The following WDPCP variants were observed in gnomAD, a reference collection of about 807,000 sequenced individuals.
WDPCP encodes the protein WD repeat-containing and planar cell polarity effector protein fritz homolog.
A neutral mutation model predicts 93.1 loss-of-function variants in WDPCP; 71 were observed. The ratio of observed to expected loss-of-function variants is 0.76; its 90% CI spans 0.63 to 0.93. The LOEUF (loss-of-function observed/expected upper bound fraction) is 0.93. Among genes scored for constraint, WDPCP ranks in the 40% least tolerant of loss-of-function variants. The pLI, the probability that WDPCP is intolerant of heterozygous loss-of-function variation, is 0.00. For missense variants in WDPCP, 844 were observed against 887.4 expected (o/e 0.95, Z 0.62); for synonymous variants, 315 against 315.0 (o/e 1.00, Z 0.00).
intron 17 of WDPCP, among the ~76,000 whole-genome samples, chr2:63,138,856 C>A (rs1301550376): frequency 6.6e-6 from 1 of 152,008 alleles, no homozygotes; most frequent in African/African-American, 2.4e-5. Context: ...ACCCCCTTCC[C>A]ACTCTTCCCC....
At chr2:63,808,563 C>T (rs924067426) in intron 2 of WDPCP, among the ~76,000 whole-genome samples, 2 of 152,240 alleles carry the variant, frequency 1.3e-5, no homozygotes, top group African/African-American at 4.8e-5. Flanking sequence ...GGGCTGGTCT[C>T]CAGCTCCTAA....
intron 6 of WDPCP, among the ~76,000 whole-genome samples, chr2:63,473,528 T>A (rs1699804251): frequency 6.6e-6 from 1 of 152,206 alleles, no homozygotes; most frequent in Non-Finnish European, 1.5e-5. Flanking sequence ...TGTGCCTTTC[T>A]GGGGTTCTAT....
At chr2:63,790,236 T>C (rs1355109713) in intron 2 of WDPCP, among the ~76,000 whole-genome samples, 2 of 152,200 alleles carry the variant, frequency 1.3e-5, no homozygotes, top group East Asian at 3.8e-4. Flanking sequence ...CTCAAGGTGC[T>C]GGGCGAAATT....
chr2:63,508,659 A>C (rs1259364441), intron 1 of WDPCP, among the ~76,000 whole-genome samples: 1 of 152,158 alleles, frequency 6.6e-6, no homozygotes, highest in African/African-American at 2.4e-5. Flanking sequence ...TAGAGACAGG[A>C]CCCATCAGTG....
At chr2:63,486,733 A>G in intron 3 of WDPCP, 147 bp from the exon 4 acceptor site, 2 of 711,044 alleles carry the variant, frequency 2.8e-6, no homozygotes, top group Non-Finnish European at 4.4e-6. Context: ...CTTAGGTTCT[A>G]AAAGGACAGT....
intron 2 of WDPCP, among the ~76,000 whole-genome samples, chr2:63,808,491 G>A (rs1411113854): frequency 2.0e-5 from 3 of 152,188 alleles, no homozygotes; most frequent in African/African-American, 7.2e-5. Flanking sequence ...GCGGGCACGC[G>A]CTGCCACGCC....
chr2:63,215,371 AT>A (rs1472694874), intron 14 of WDPCP, among the ~76,000 whole-genome samples: 2 of 152,202 alleles, frequency 1.3e-5, no homozygotes, highest in African/African-American at 4.8e-5. Flanking sequence ...ATATAGAACA[AT>A]GGAACAGAAC....
At chr2:63,373,165 C>T (rs1204931913) in intron 12 of WDPCP, among the ~76,000 whole-genome samples, 2 of 151,774 alleles carry the variant, frequency 1.3e-5, no homozygotes, top group Non-Finnish European at 2.9e-5. Context: ...CCCATTACTA[C>T]TATATTAGCC....
At chr2:63,185,004 C>A (rs536291883) in intron 14 of WDPCP, among the ~76,000 whole-genome samples, 1 of 152,180 alleles carries the variant, frequency 6.6e-6, no homozygotes, top group South Asian at 2.1e-4. Context: ...TTGACCCTTT[C>A]AGCCATATTT....
chr2:63,609,285 T>G (rs1233017342), intron 3 of WDPCP, among the ~76,000 whole-genome samples: 1 of 151,814 alleles, frequency 6.6e-6, no homozygotes, highest in African/African-American at 2.4e-5. Context: ...GAGAATCACC[T>G]GAACCTGGGA....
At chr2:63,280,721 A>C (rs528914759) in intron 13 of WDPCP, among the ~76,000 whole-genome samples, 1 of 152,342 alleles carries the variant, frequency 6.6e-6, no homozygotes, top group Non-Finnish European at 1.5e-5. Context: ...AAATACATAA[A>C]GTGAGGAAAG....
chr2:63,264,449 C>T lies in WDPCP; in HGVS notation c.1813-5040G>A, dbSNP rs1681930271. Among the ~76,000 whole-genome samples the T allele has an allele frequency of 7.2e-5, 11 of 152,120 alleles. No homozygotes were observed. In the South Asian group the frequency reaches 1.9e-3, roughly 26 times the overall value. ...GGTCAGGAGATCGAGACCATCCTGGCTAACACAGTGAAACCCCACTATGAA... is the reference window on the plus strand; with the variant it reads ...GGTCAGGAGATCGAGACCATCCTGGTTAACACAGTGAAACCCCACTATGAA... On this transcript the variant is annotated intron_variant, in intron 13 of 17. Transcript: ENST00000272321.
intron 11 of WDPCP, 85 bp downstream of exon 11, chr2:63,381,819 ACT>A (rs1692330048): frequency 1.4e-6 from 2 of 1,379,666 alleles, no homozygotes; most frequent in Admixed American, 1.9e-5. Context: ...CAATACCATG[ACT>A]CAAAAACAAC....
chr2:63,767,859 T>A (rs552710858), intron 2 of WDPCP, among the ~76,000 whole-genome samples: 30 of 152,240 alleles, frequency 2.0e-4, no homozygotes, highest in African/African-American at 7.2e-4. Context: ...TTTATCAAAA[T>A]TTTTAAATGG....
At chr2:63,574,745 G>C (rs1034566395) in intron 1 of WDPCP, among the ~76,000 whole-genome samples, 1 of 152,146 alleles carries the variant, frequency 6.6e-6, no homozygotes, top group African/African-American at 2.4e-5. Context: ...TGGCTAGCTT[G>C]TCCATTTGTC....
At chr2:63,647,072 C>G (rs1710060107) in intron 3 of WDPCP, among the ~76,000 whole-genome samples, 1 of 152,078 alleles carries the variant, frequency 6.6e-6, no homozygotes, top group Admixed American at 6.6e-5. Context: ...TTTTCTATAT[C>G]CTGTAGGTGT....
intron 13 of WDPCP, among the ~76,000 whole-genome samples, chr2:63,309,012 G>A (rs973624581): frequency 5.9e-5 from 9 of 152,214 alleles, no homozygotes; most frequent in African/African-American, 2.2e-4. Flanking sequence ...TAGTAACTGA[G>A]GTAATCAAAC....
chr2:63,582,720 T>C (rs1708576090), intron 1 of WDPCP, among the ~76,000 whole-genome samples: 1 of 151,832 alleles, frequency 6.6e-6, no homozygotes, highest in Admixed American at 6.6e-5. Flanking sequence ...ATAAAGATGA[T>C]AGTAGATTTT....
At chr2:63,495,688 A>G (rs977769146) in intron 1 of WDPCP, among the ~76,000 whole-genome samples, 4 of 152,198 alleles carry the variant, frequency 2.6e-5, no homozygotes, top group Non-Finnish European at 5.9e-5. Flanking sequence ...ATAATAAAGT[A>G]CCTACATCAG....
Sources: gnomAD v4.1 joint callset for allele counts (sites outside exome capture counted in the v4.1 genomes callset) on GRCh38, gnomAD v4.1.1 for gene constraint, MANE v1.5 for transcripts, NCBI Gene and HGNC (gene_info 2026-07-23, HGNC 2026-07-21) for gene names.